RANBP2: variants seen among roughly 807,000 people sequenced by gnomAD.
RANBP2 encodes the protein E3 SUMO-protein ligase RanBP2.
Under a neutral mutation model 303.6 loss-of-function variants are expected in RANBP2, and 57 were observed. That is an observed-to-expected ratio of 0.19 (90% CI 0.15 to 0.23). The LOEUF is 0.23. Among genes scored for constraint, RANBP2 ranks in the 10% least tolerant of loss-of-function variants. The pLI is 1.00. For synonymous variants in RANBP2, 1,167 were observed against 1,301.5 expected (o/e 0.90, Z 2.23); for missense variants, 3,138 against 3,780.8 (o/e 0.83, Z 4.46).
chr2:109,236,824 C>T, the RANBP2 span, among the ~76,000 whole-genome samples: 1 of 152,290 alleles, frequency 6.6e-6, no homozygotes, highest in East Asian at 1.9e-4. Flanking sequence ...GAGGACTCTC[C>T]TCAGAGATCA....
At chr2:109,194,818 T>C in the RANBP2 span, among the ~76,000 whole-genome samples, 3 of 152,262 alleles carry the variant, frequency 2.0e-5, no homozygotes, top group African/African-American at 4.8e-5. Context: ...GACGAAAAGA[T>C]TGAGAAGCTT....
At chr2:108,924,328 C>A in the RANBP2 span, among the ~76,000 whole-genome samples, 2 of 152,238 alleles carry the variant, frequency 1.3e-5, no homozygotes, top group East Asian at 3.9e-4. Context: ...CTGGCACCAC[C>A]CTCTCCTTGG....
chr2:109,223,571 G>C, the RANBP2 span, among the ~76,000 whole-genome samples: 8 of 152,160 alleles, frequency 5.3e-5, no homozygotes, highest in Admixed American at 5.2e-4. Context: ...TCAGCTGCGG[G>C]CTCCATTCAA....
the RANBP2 span, among the ~76,000 whole-genome samples, chr2:109,473,187 G>T: frequency 1.3e-5 from 2 of 152,106 alleles, no homozygotes; most frequent in Non-Finnish European, 2.9e-5. Flanking sequence ...TCCCAGGGAA[G>T]CGGCTTCCTG....
chr2:109,536,254 C>T, the RANBP2 span, among the ~76,000 whole-genome samples: 1 of 152,130 alleles, frequency 6.6e-6, no homozygotes, highest in Non-Finnish European at 1.5e-5. Context: ...CAATGCCAGC[C>T]CATGAAAGCA....
chr2:108,929,993 G>A, the RANBP2 span: 393 of 1,172,634 alleles, frequency 3.4e-4, no homozygotes, highest in Non-Finnish European at 4.6e-4. Flanking sequence ...CGTCCAGGGA[G>A]CGTGACCGGC....
chr2:109,523,802 TAATA>T, the RANBP2 span, among the ~76,000 whole-genome samples: 1 of 152,162 alleles, frequency 6.6e-6, no homozygotes, highest in East Asian at 1.9e-4. Context: ...CCATTGAGGC[TAATA>T]CCTCAGAGAC....
At chr2:109,590,042 A>G in the RANBP2 span, among the ~76,000 whole-genome samples, 1 of 135,906 alleles carries the variant, frequency 7.4e-6, no homozygotes, top group Non-Finnish European at 1.5e-5. Flanking sequence ...ATATACACAC[A>G]TATATATGTG....
chr2:109,547,952 CTG>C, the RANBP2 span, among the ~76,000 whole-genome samples: 8 of 152,166 alleles, frequency 5.3e-5, no homozygotes, highest in African/African-American at 1.7e-4. Flanking sequence ...GCTGGGGTAA[CTG>C]TGGGAGCAAC....
the RANBP2 span, among the ~76,000 whole-genome samples, chr2:109,176,208 G>T: frequency 4.6e-5 from 7 of 152,294 alleles, no homozygotes; most frequent in African/African-American, 1.7e-4. Context: ...GCAGACTTGT[G>T]CAATGATTAT....
At chr2:109,015,647 AC>A in the RANBP2 span, among the ~76,000 whole-genome samples, 1 of 152,118 alleles carries the variant, frequency 6.6e-6, no homozygotes, top group Non-Finnish European at 1.5e-5. Flanking sequence ...AGTCCCAGCT[AC>A]TTGGGAGGCT....
At chr2:109,495,063 C>T in the RANBP2 span, among the ~76,000 whole-genome samples, 4 of 152,302 alleles carry the variant, frequency 2.6e-5, no homozygotes, top group East Asian at 3.9e-4. Flanking sequence ...GCCAAGCCCA[C>T]GAGCCTGGGG....
At chr2:108,975,329 G>C in the RANBP2 span, among the ~76,000 whole-genome samples, 1 of 152,214 alleles carries the variant, frequency 6.6e-6, no homozygotes, top group African/African-American at 2.4e-5. Flanking sequence ...TCTTCTATGG[G>C]TCAAATCCAG....
chr2:109,265,155 T>C, the RANBP2 span, among the ~76,000 whole-genome samples: 1 of 151,854 alleles, frequency 6.6e-6, no homozygotes, highest in African/African-American at 2.4e-5. Context: ...TTCCTTGTTA[T>C]TTAAGAAGGA....
chr2:109,104,792 T>A, the RANBP2 span, among the ~76,000 whole-genome samples: 1 of 152,016 alleles, frequency 6.6e-6, no homozygotes, highest in African/African-American at 2.4e-5. Context: ...CGGGATTAGG[T>A]TTTTATTTTT....
At chr2:109,473,976 G>A in the RANBP2 span, among the ~76,000 whole-genome samples, 2 of 152,182 alleles carry the variant, frequency 1.3e-5, no homozygotes, top group East Asian at 1.9e-4. Flanking sequence ...ACTCTGTCCT[G>A]GAAGGTGCTG....
chr2:109,055,822 G>A, the RANBP2 span, among the ~76,000 whole-genome samples: 4 of 147,826 alleles, frequency 2.7e-5, no homozygotes, highest in Non-Finnish European at 5.9e-5. Context: ...GTGCAGTGGC[G>A]CGATCTTGGC....
the RANBP2 span, among the ~76,000 whole-genome samples, chr2:109,500,155 G>A: frequency 2.0e-5 from 3 of 152,176 alleles, no homozygotes; most frequent in African/African-American, 7.2e-5. Context: ...ACTTTAAAGG[G>A]GACTGGGGTC....
At chr2:109,099,008 C>T in the RANBP2 span, among the ~76,000 whole-genome samples, 1 of 152,196 alleles carries the variant, frequency 6.6e-6, no homozygotes, top group African/African-American at 2.4e-5. Flanking sequence ...AGGGTTGCAG[C>T]CTGCAGGCTA....
Sources: gnomAD v4.1 joint callset for allele counts (sites outside exome capture counted in the v4.1 genomes callset) on GRCh38, gnomAD v4.1.1 for gene constraint, MANE v1.5 for transcripts, NCBI Gene and HGNC (gene_info 2026-07-23, HGNC 2026-07-21) for gene names.